The following PUM1 variants were observed in gnomAD, a reference collection of about 807,000 sequenced individuals.
The protein encoded by PUM1 is pumilio homolog 1.
Under a neutral mutation model 131.8 loss-of-function variants are expected in PUM1, and 13 were observed. The observed-to-expected ratio is 0.10, with a 90% CI of 0.06 to 0.16. The LOEUF (loss-of-function observed/expected upper bound fraction) is 0.16, where lower values mean the gene tolerates loss of function less well. PUM1 is among the 10% of genes least tolerant of loss of function. The pLI is 1.00. For missense variants in PUM1, 961 were observed against 1,512.4 expected (o/e 0.64, Z 6.05); for synonymous variants, 509 against 556.5 (o/e 0.91, Z 1.20).
In PUM1 at chr1:30,952,381, A is replaced by G. The variant is rs756313702; in HGVS notation, c.2592-18T>C. The stretch of plus-strand genomic sequence containing the variant: ...GAATGAATCTGAAGTACAAAGTAAA[A>G]AGGGCAATCACAGCACTGAAGGAAG... On this transcript the variant is annotated intron_variant, in intron 15 of 21. Transcript: ENST00000426105. 8.7e-6 allele frequency: 14 copies of G among 1,613,404 alleles called. No homozygotes were observed. Among genetic ancestry groups the G allele is most frequent in the Non-Finnish European group, 8.5e-6 (10 of 1,179,636 alleles).
Position 31,025,879 on chromosome 1 carries a change from C to A in PUM1, c.432+2917G>T, listed in dbSNP as rs543473984. On this transcript the variant is annotated intron_variant, in intron 3 of 21. Transcript: ENST00000426105. ...CCAGTAAATACTGTATTTATACACA[C>A]TCCCTCTCAGAGATGTTTTATTGCT... Among the ~76,000 whole-genome samples the A allele has an allele frequency of 8.1e-4, 124 of 152,150 alleles. 2 individuals are homozygous for A. Among genetic ancestry groups the A allele is most frequent in the Admixed American group, 2.2e-3 (33 of 15,284 alleles).
chr1:31,065,066 C>A (rs769863367), intron 1 of PUM1, among the ~76,000 whole-genome samples: 2 of 152,138 alleles, frequency 1.3e-5, no homozygotes, highest in East Asian at 3.9e-4. Flanking sequence ...ACTTCCTGAT[C>A]GCCACTTCTC....
intron 1 of PUM1, among the ~76,000 whole-genome samples, chr1:31,061,115 T>C (rs1644358065): frequency 6.6e-6 from 1 of 152,168 alleles, no homozygotes; most frequent in Non-Finnish European, 1.5e-5. Flanking sequence ...TCAACTACTA[T>C]AAACAGGATG....
intron 20 of PUM1, among the ~76,000 whole-genome samples, chr1:30,937,416 G>T (rs1446031554): frequency 5.3e-5 from 8 of 152,200 alleles, no homozygotes; most frequent in Admixed American, 2.0e-4. Flanking sequence ...TGAGGCAGGA[G>T]AATTGCTTGA....
chr1:30,933,016 G>T lies in PUM1; in HGVS notation c.*195C>A. ...TAGTCAATTAAAAAAAATAGTACAT[G>T]TTATGTGTAATAAAATTAAATTTAC... On this transcript the variant is annotated 3_prime_UTR_variant, in exon 22 of 22. Coordinates refer to ENST00000426105, the MANE Select transcript of PUM1 (RefSeq NM_001020658.2). The T allele has an allele frequency of 3.4e-6, 2 of 595,552 alleles. No individual in the cohort carries two copies. Among genetic ancestry groups the T allele is most frequent in the Non-Finnish European group, 5.6e-6 (2 of 359,256 alleles). 36.9% of individuals were successfully genotyped at this position (595,552 alleles called of 1,614,324 possible). A position where few individuals can be genotyped will look rare whatever the true frequency, so the allele number is the denominator to read the frequency against.
chr1:31,059,676 A>C (rs778077422), intron 1 of PUM1, 99 bp from the exon 2 acceptor site: 20 of 1,400,806 alleles, frequency 1.4e-5, no homozygotes, highest in Non-Finnish European at 1.9e-5. Context: ...TACAATAAAT[A>C]AATGTCGTTG....
intron 3 of PUM1, among the ~76,000 whole-genome samples, chr1:31,018,644 C>G (rs1032350873): frequency 3.8e-4 from 58 of 152,060 alleles, no homozygotes; most frequent in Non-Finnish European, 7.2e-4. Context: ...GGTGACAGAG[C>G]AAGGCTCCAT....
At position 31,049,774 on chromosome 1, in the gene PUM1, T is replaced by C. The variant is rs190845379; in HGVS notation, c.363+9430A>G. On this transcript the variant is annotated intron_variant, in intron 2 of 21. Coordinates refer to ENST00000426105, the MANE Select transcript of PUM1 (RefSeq NM_001020658.2). ...TACAAGTTGCCATTTCAGAGGCATA[T>C]ATAATCAAGTACCATTCAGCATTAG... Among the ~76,000 whole-genome samples the C allele has an allele frequency of 2.7e-5, 4 of 150,812 alleles. No homozygotes were observed. The East Asian group carries it at 7.8e-4, about 29-fold the overall frequency.
At chr1:31,054,776 CATT>C (rs577189894) in intron 2 of PUM1, among the ~76,000 whole-genome samples, 12 of 152,264 alleles carry the variant, frequency 7.9e-5, no homozygotes, top group Admixed American at 7.2e-4. Flanking sequence ...GTATTCATCT[CATT>C]ATTAAGTTTA....
chr1:30,954,049 A>G, intron 14 of PUM1, 68 bp from the exon 15 acceptor site: 1 of 1,488,380 alleles, frequency 6.7e-7, no homozygotes, highest in Non-Finnish European at 9.2e-7. Flanking sequence ...AGAAAAAAGC[A>G]TTCCCACACC....
At chr1:30,936,071 TC>T (rs1639195479) in intron 21 of PUM1, among the ~76,000 whole-genome samples, 1 of 144,390 alleles carries the variant, frequency 6.9e-6, no homozygotes, top group Admixed American at 7.2e-5. Context: ...GTCTAACTCT[TC>T]TTTAGCCTTG....
intron 3 of PUM1, among the ~76,000 whole-genome samples, chr1:31,017,660 A>C (rs1642867812): frequency 6.6e-6 from 1 of 152,100 alleles, no homozygotes; most frequent in South Asian, 2.1e-4. Context: ...AGACAGTGCA[A>C]AGGACCTTCT....
chr1:31,030,421 G>T (rs951175915), intron 2 of PUM1, among the ~76,000 whole-genome samples: 1 of 151,966 alleles, frequency 6.6e-6, no homozygotes, highest in African/African-American at 2.4e-5. Context: ...ACATGAGCCA[G>T]AATACAATTA....
At chr1:30,981,591 CTT>C (rs1471579872) in intron 7 of PUM1, among the ~76,000 whole-genome samples, 186 bp from the exon 8 acceptor site, 1 of 152,156 alleles carries the variant, frequency 6.6e-6, no homozygotes, top group African/African-American at 2.4e-5. Context: ...CCCTGTCTCT[CTT>C]TCTTTACTTC....
At chr1:31,024,747 T>C (rs1286015675) in intron 3 of PUM1, among the ~76,000 whole-genome samples, 2 of 152,210 alleles carry the variant, frequency 1.3e-5, no homozygotes, top group Non-Finnish European at 2.9e-5. Context: ...CAAAGTACTT[T>C]CCAACTACAG....
intron 20 of PUM1, among the ~76,000 whole-genome samples, chr1:30,940,511 T>C (rs1639402026): frequency 6.6e-6 from 1 of 152,176 alleles, no homozygotes; most frequent in Admixed American, 6.5e-5. Flanking sequence ...CAAGGTTGTA[T>C]GAGTCCTGTC....
At chr1:30,978,066 A>C (rs1641209847) in intron 9 of PUM1, among the ~76,000 whole-genome samples, 1 of 152,060 alleles carries the variant, frequency 6.6e-6, no homozygotes, top group South Asian at 2.1e-4. Flanking sequence ...CAAACATGGC[A>C]AAACCCCATC....
intron 2 of PUM1, among the ~76,000 whole-genome samples, chr1:31,036,513 CA>C (rs1472284673): frequency 6.6e-6 from 1 of 152,158 alleles, no homozygotes; most frequent in Non-Finnish European, 1.5e-5. Flanking sequence ...GCCAGGAGTT[CA>C]AGATCAGCCT....
At chr1:30,944,879 T>C (rs951525181) in intron 18 of PUM1, among the ~76,000 whole-genome samples, 3 of 152,208 alleles carry the variant, frequency 2.0e-5, no homozygotes, top group Admixed American at 1.3e-4. Context: ...CCCAGACACT[T>C]GGCAACACAC....
Sources: gnomAD v4.1 joint callset for allele counts (sites outside exome capture counted in the v4.1 genomes callset) on GRCh38, gnomAD v4.1.1 for gene constraint, MANE v1.5 for transcripts, NCBI Gene and HGNC (gene_info 2026-07-23, HGNC 2026-07-21) for gene names.